Variants in ADAM9 observed in about 807,000 individuals in gnomAD.
The protein encoded by ADAM9 is ADAM metallopeptidase domain 9.
In ADAM9, 54 loss-of-function variants were observed where a neutral mutation model predicts 108.1. The observed-to-expected ratio is 0.50, with a 90% CI of 0.40 to 0.63. ADAM9 has a LOEUF of 0.63. Ranked by LOEUF, ADAM9 falls within the 20% of genes least tolerant of loss-of-function variation. ADAM9 has a pLI of 0.00. For missense variants in ADAM9, 830 were observed against 997.7 expected, an observed-to-expected ratio of 0.83 and a Z score of 2.26; for synonymous variants, 316 against 336.0, an observed-to-expected ratio of 0.94 and a Z score of 0.65.
At chr8:39,089,505 G>A (rs1158516864) in intron 18 of ADAM9, among the ~76,000 whole-genome samples, 1 of 152,198 alleles carries the variant, frequency 6.6e-6, no homozygotes, top group Non-Finnish European at 1.5e-5. Context: ...CTGCTTTAGG[G>A]AAATTATTCT....
chr8:39,059,103 C>T (rs572015441), intron 14 of ADAM9, among the ~76,000 whole-genome samples: 1 of 152,170 alleles, frequency 6.6e-6, no homozygotes, highest in African/African-American at 2.4e-5. Flanking sequence ...CCCATTGCCT[C>T]ATTTCATTTG....
In ADAM9 at chr8:39,090,191, A is replaced by G. The variant is rs1204124301; in HGVS notation, c.2210+3A>G. On this transcript the variant is annotated splice_donor_region_variant and intron_variant, in intron 19 of 21. Transcript: ENST00000487273. ...AAGAAGAGATCACAAACATATGAGT[A>G]CTTAGATTTTTTTCTTTTAATTCCT... 6.2e-7 allele frequency: 1 copy of G among 1,611,068 alleles called. No homozygotes were observed. Among genetic ancestry groups the G allele is most frequent in the African/African-American group, 1.3e-5 (1 of 74,734 alleles).
At chr8:39,026,842 T>C in intron 11 of ADAM9, 32 bp downstream of exon 11, 1 of 1,613,152 alleles carries the variant, frequency 6.2e-7, no homozygotes, top group Non-Finnish European at 8.5e-7. Flanking sequence ...CTCCTTTATT[T>C]GGTATTGTAG....
Position 39,083,064 on chromosome 8 carries a change from A to G in ADAM9, c.2059A>G (p.Thr687Ala). The stretch of plus-strand genomic sequence containing the variant: ...CGGAGGAAGTGTGGACAGTGGACCT[A>G]CATACAATGGCAAGTAATATAGAAG... ...GYGGSVDSGP[T>A]YNEMNTALRD... is the part of the protein sequence containing the mutation. The change falls in exon 18 of 22, where the codon ACA (threonine) becomes GCA (alanine). Residue 687 changes from threonine (T) to alanine (A), a missense_variant. This residue lies in a region of ADAM9 where 238 missense variants were observed against 235.7 expected (regional missense o/e 1.01). Coordinates refer to ENST00000487273, the MANE Select transcript of ADAM9 (RefSeq NM_003816.3). 6.2e-7 allele frequency: 1 copy of G among 1,613,548 alleles called. No individual in the cohort carries two copies. Among genetic ancestry groups the G allele is most frequent in the Non-Finnish European group, 8.5e-7 (1 of 1,179,538 alleles).
chr8:39,076,427 G>A (rs1838850948), intron 15 of ADAM9, among the ~76,000 whole-genome samples: 1 of 152,196 alleles, frequency 6.6e-6, no homozygotes, highest in South Asian at 2.1e-4. Context: ...GCAGAAAGAA[G>A]AACGTGATGG....
intron 11 of ADAM9, among the ~76,000 whole-genome samples, chr8:39,035,824 A>G (rs1837255291): frequency 6.6e-6 from 1 of 151,878 alleles, no homozygotes; most frequent in Admixed American, 6.6e-5. Flanking sequence ...CTCAAAACAA[A>G]ACAAAACAAA....
rs1257384554 is a variant in ADAM9, at chr8:39,017,417, A to G, written c.606+3A>G. On this transcript the variant is annotated splice_donor_region_variant and intron_variant, in intron 6 of 21. Transcript: ENST00000487273. ...CCAGCATGACTCAGCTACTTCGAGT[A>G]AGGAAATAACATAATTCTTCATGGC... 2.5e-6 allele frequency: 4 copies of G among 1,613,124 alleles called. No homozygotes were observed. The East Asian group carries it at 6.7e-5, about 27-fold the overall frequency.
intron 18 of ADAM9, among the ~76,000 whole-genome samples, chr8:39,087,222 G>GCTC (rs1839205508): frequency 1.3e-5 from 2 of 152,286 alleles, no homozygotes; most frequent in African/African-American, 4.8e-5. Flanking sequence ...ACTAACCTTG[G>GCTC]ACAATTCTAA....
intron 12 of ADAM9, among the ~76,000 whole-genome samples, chr8:39,051,490 C>T (rs961721232): frequency 6.6e-6 from 1 of 152,114 alleles, no homozygotes; most frequent in Admixed American, 6.5e-5. Flanking sequence ...TTAAAATGTA[C>T]ATGCTTTTAG....
intron 8 of ADAM9, among the ~76,000 whole-genome samples, chr8:39,022,095 T>TGA (rs1181148057): frequency 9.0e-5 from 13 of 144,638 alleles, no homozygotes; most frequent in South Asian, 2.1e-4. Context: ...TGTGTGTGTG[T>TGA]GTGAGAGAGA....
chr8:39,008,283 G>A (rs532442141), intron 2 of ADAM9, among the ~76,000 whole-genome samples: 1 of 151,882 alleles, frequency 6.6e-6, no homozygotes, highest in East Asian at 1.9e-4. Flanking sequence ...TGATTCTCCT[G>A]CCTCAGCCTT....
chr8:39,086,126 T>C (rs1839173137), intron 18 of ADAM9, among the ~76,000 whole-genome samples: 2 of 152,168 alleles, frequency 1.3e-5, no homozygotes, highest in Admixed American at 1.3e-4. Flanking sequence ...GCAATTCTTA[T>C]GCCTCAGCCT....
rs1194072431 is a variant in ADAM9, at chr8:39,045,101, TGTGCATACATAC to T, written c.1302+2985_1302+2996del. Among the ~76,000 whole-genome samples the T allele has an allele frequency of 5.9e-4, 18 of 30,524 alleles. 7 individuals carry two copies. The highest frequency in any genetic ancestry group is 2.6e-3 in the African/African-American group (18 of 6,976). The allele number at this position is 30,524 out of a possible 152,430, so 20.0% of individuals were successfully genotyped here. A position where few individuals can be genotyped will look rare whatever the true frequency, so the allele number is the denominator to read the frequency against. ...GTGTGTGCATACATACATATGTGTG[TGTGCATACATAC>T]ATATGTGTGTGTGCATACATACATA... is the stretch of plus-strand genomic sequence containing the variant. On this transcript the variant is annotated intron_variant, in intron 12 of 21. Coordinates refer to ENST00000487273, the MANE Select transcript of ADAM9 (RefSeq NM_003816.3).
intron 12 of ADAM9, among the ~76,000 whole-genome samples, chr8:39,045,358 A>G (rs143986426): frequency 1.1e-5 from 1 of 93,516 alleles, no homozygotes; most frequent in African/African-American, 4.2e-5. Context: ...GTGTACATAC[A>G]TATAGGTGTG....
At chr8:39,018,962 T>C (rs1836642963) in intron 7 of ADAM9, 44 bp downstream of exon 7, 2 of 1,511,012 alleles carry the variant, frequency 1.3e-6, no homozygotes, top group East Asian at 2.3e-5. Flanking sequence ...GAAAAGGATA[T>C]GAGAAGTGAG....
rs373693035 is a variant in ADAM9 at position 39,047,410 on chromosome 8, C to T, written c.1302+5293C>T. 4.9e-4 allele frequency among the ~76,000 whole-genome samples: 75 copies of T among 152,180 alleles called. 1 individual carries two copies. The South Asian group carries it at 0.015, about 31-fold the overall frequency. On this transcript the variant is annotated intron_variant, in intron 12 of 21. Coordinates refer to ENST00000487273, the MANE Select transcript of ADAM9 (RefSeq NM_003816.3). The stretch of plus-strand genomic sequence containing the variant: ...TCTTTAAATGTTTGGTAGATTTCAC[C>T]AGTAAAGCCATTGGTCCTGTGCTTT...
At chr8:39,098,868 A>T (rs571005998) in intron 20 of ADAM9, among the ~76,000 whole-genome samples, 96 of 152,274 alleles carry the variant, frequency 6.3e-4, no homozygotes, top group African/African-American at 2.2e-3. Context: ...ATCCTGAATT[A>T]TAGTGGGTTC....
intron 14 of ADAM9, among the ~76,000 whole-genome samples, chr8:39,070,478 A>G (rs1447266476): frequency 6.6e-6 from 1 of 152,224 alleles, no homozygotes; most frequent in African/African-American, 2.4e-5. Flanking sequence ...TGTTTCCAAC[A>G]TCAAGTATTT....
intron 15 of ADAM9, among the ~76,000 whole-genome samples, chr8:39,072,651 G>GT (rs1316108222): frequency 6.6e-6 from 1 of 152,184 alleles, no homozygotes; most frequent in Non-Finnish European, 1.5e-5. Flanking sequence ...TGTTCCCTCT[G>GT]TTCAGCATGC....
Sources: allele counts gnomAD v4.1 joint callset (sites outside exome capture counted in the v4.1 genomes callset), GRCh38; gene constraint gnomAD v4.1.1; regional missense constraint gnomAD v4.1.1; transcripts MANE v1.5; gene names NCBI Gene and HGNC (gene_info 2026-07-23, HGNC 2026-07-21).